TNRC6A: variants seen among roughly 807,000 people sequenced by gnomAD.
TNRC6A encodes trinucleotide repeat-containing gene 6A protein.
TNRC6A carries 44 observed loss-of-function variants against 221.2 expected under a neutral mutation model. The ratio of observed to expected loss-of-function variants is 0.20; its 90% CI spans 0.16 to 0.26. The LOEUF (loss-of-function observed/expected upper bound fraction) is 0.26, where lower values mean the gene tolerates loss of function less well. Ranked by LOEUF, TNRC6A falls within the 10% of genes least tolerant of loss-of-function variation. The probability of loss-of-function intolerance (pLI) is 1.00; values close to 1 mark genes in which losing one functional copy is unlikely to be tolerated. For missense variants in TNRC6A, 2,199 were observed against 2,404.4 expected, an observed-to-expected ratio of 0.91 and a Z score of 1.79; for synonymous variants, 847 against 838.5, an observed-to-expected ratio of 1.01 and a Z score of -0.18.
upstream of TNRC6A, among the ~76,000 whole-genome samples, chr16:24,727,575 A>G (rs139235487): frequency 4.6e-5 from 7 of 152,268 alleles, no homozygotes; most frequent in African/African-American, 1.7e-4. Flanking sequence ...CATTGTCCCA[A>G]TTAAGAATCA....
At chr16:24,708,295 C>T (rs577574425) in intron 2 of TNRC6A, among the ~76,000 whole-genome samples, 155 of 147,602 alleles carry the variant, frequency 1.1e-3, no homozygotes, top group African/African-American at 3.7e-3. Context: ...GGCTGGGGTG[C>T]GGTGGCGCGA....
In TNRC6A at chr16:24,809,437, G is replaced by A; in HGVS notation, c.4628G>A (p.Ser1543Asn). 1 of 1,591,960 alleles carries A rather than the reference G, an allele frequency of 6.3e-7. No homozygotes were observed. Among genetic ancestry groups the A allele is most frequent in the Non-Finnish European group, 8.6e-7 (1 of 1,169,112 alleles). ...SRLRKWTTVDSISVNTSLDQN... is the reference protein window; with the variant it reads ...SRLRKWTTVDNISVNTSLDQN... ...CTAAGGAAGTGGACGACAGTGGACA[G>A]CATTTCTGTGAACACATCTTTGGAT... Residue 1543 changes from serine (S) to asparagine (N), a missense_variant, in exon 18 of 25, where the codon AGC becomes AAC. Physicochemically the swap from Ser to Asn is conservative, Grantham distance 46. This residue lies in a region of TNRC6A where 449 missense variants were observed against 579.7 expected (regional missense o/e 0.77). Transcript: ENST00000395799.
At chr16:24,810,241 T>C (rs1303827558) in intron 18 of TNRC6A, among the ~76,000 whole-genome samples, 6 of 152,208 alleles carry the variant, frequency 3.9e-5, no homozygotes, top group African/African-American at 1.4e-4. Flanking sequence ...GAAATGCCGT[T>C]TTCATCTTAT....
At chr16:24,772,176 G>A (rs143375201) in intron 4 of TNRC6A, among the ~76,000 whole-genome samples, 6 of 152,212 alleles carry the variant, frequency 3.9e-5, no homozygotes, top group South Asian at 2.1e-4. Flanking sequence ...TAATCTCCAC[G>A]TTTGAATTTG....
chr16:24,657,600 T>C (rs1242016726), intron 2 of TNRC6A, among the ~76,000 whole-genome samples: 2 of 151,840 alleles, frequency 1.3e-5, no homozygotes, highest in South Asian at 2.1e-4. Context: ...TCCCAGCTAT[T>C]TGGAAGGCTG....
chr16:24,783,239 C>T (rs1471155993), intron 5 of TNRC6A, among the ~76,000 whole-genome samples: 3 of 152,080 alleles, frequency 2.0e-5, no homozygotes, highest in Non-Finnish European at 2.9e-5. Flanking sequence ...AGCAATTCTC[C>T]TGCTTCAGCC....
At chr16:24,666,511 A>G (rs149017199) in intron 2 of TNRC6A, among the ~76,000 whole-genome samples, 3,135 of 148,586 alleles carry the variant, frequency 0.021, 117 homozygotes, top group African/African-American at 0.072. Flanking sequence ...ATTGTGACAC[A>G]TGCCTGTGGT....
intron 2 of TNRC6A, chr16:24,664,811 A>C (rs1567336999): frequency 2.2e-6 from 1 of 446,814 alleles, no homozygotes; most frequent in Admixed American, 2.4e-5. Context: ...ACACACACAC[A>C]CAAAACCTAT....
At chr16:24,777,899 G>A (rs2057759890) in intron 5 of TNRC6A, among the ~76,000 whole-genome samples, 1 of 152,142 alleles carries the variant, frequency 6.6e-6, no homozygotes, top group Non-Finnish European at 1.5e-5. Context: ...GGTAGTGATG[G>A]TGAGGCAGAA....
chr16:24,716,016 T>C (rs1329988530), intron 2 of TNRC6A, among the ~76,000 whole-genome samples: 1 of 152,136 alleles, frequency 6.6e-6, no homozygotes, highest in Non-Finnish European at 1.5e-5. Flanking sequence ...TCTCTATCTG[T>C]GTGGTTCTCT....
intron 5 of TNRC6A, among the ~76,000 whole-genome samples, chr16:24,788,943 C>T (rs144847290): frequency 8.1e-4 from 123 of 152,260 alleles, no homozygotes; most frequent in African/African-American, 1.3e-3. Context: ...CCACCACGCC[C>T]GGCCCAAAAT....
chr16:24,740,641 T>G (rs779973221), intron 2 of TNRC6A, among the ~76,000 whole-genome samples: 4 of 152,200 alleles, frequency 2.6e-5, no homozygotes, highest in Non-Finnish European at 4.4e-5. Flanking sequence ...TAAAGTTTTT[T>G]AAAAATTGTG....
chr16:24,792,573 A>C (rs1236456998), intron 6 of TNRC6A, among the ~76,000 whole-genome samples: 4 of 140,948 alleles, frequency 2.8e-5, no homozygotes, highest in Non-Finnish European at 6.0e-5. Context: ...TCTAAGATGA[A>C]GCCTGTTGGC....
chr16:24,657,583 C>A (rs1040193543), intron 2 of TNRC6A, among the ~76,000 whole-genome samples: 2 of 151,914 alleles, frequency 1.3e-5, no homozygotes, highest in Non-Finnish European at 2.9e-5. Flanking sequence ...ATGGCACGCA[C>A]CTGTAATCCC....
At chr16:24,610,270 A>G (rs1208784258) in exon 1 of TNRC6A, 1 of 152,346 alleles carries the variant, frequency 6.6e-6, no homozygotes, top group Non-Finnish European at 1.5e-5. Context: ...GGGTTCAAAA[A>G]CAATTTAATA....
intron 1 of TNRC6A, among the ~76,000 whole-genome samples, chr16:24,618,857 G>A (rs1596541309): frequency 2.0e-5 from 3 of 151,468 alleles, no homozygotes; most frequent in Admixed American, 1.3e-4. Flanking sequence ...CTCAAACTCC[G>A]GGCCTCAAGT....
chr16:24,715,986 C>T (rs1343500260), intron 2 of TNRC6A, among the ~76,000 whole-genome samples: 1 of 152,016 alleles, frequency 6.6e-6, no homozygotes, highest in Admixed American at 6.6e-5. Context: ...CAAGCATGAC[C>T]ATCCATAGAT....
intron 1 of TNRC6A, among the ~76,000 whole-genome samples, chr16:24,612,728 A>G (rs1176293026): frequency 6.6e-6 from 1 of 152,112 alleles, no homozygotes; most frequent in Non-Finnish European, 1.5e-5. Context: ...CCTGGGTGAC[A>G]GAGTGAGACC....
chr16:24,658,521 C>A (rs1435970913), intron 2 of TNRC6A, among the ~76,000 whole-genome samples: 2 of 152,052 alleles, frequency 1.3e-5, no homozygotes, highest in Non-Finnish European at 2.9e-5. Flanking sequence ...GCCACCATAA[C>A]CAGCTAATTT....
Sources: gnomAD v4.1 joint callset for allele counts (sites outside exome capture counted in the v4.1 genomes callset) on GRCh38, gnomAD v4.1.1 for gene constraint, gnomAD v4.1.1 regional missense constraint, MANE v1.5 for transcripts, NCBI Gene and HGNC (gene_info 2026-07-23, HGNC 2026-07-21) for gene names.